Variants in UGT1A5 observed in about 807,000 individuals in gnomAD.
UGT1A5 encodes the protein UDP glucuronosyltransferase family 1 member A5.
Under a neutral mutation model 40.3 loss-of-function variants are expected in UGT1A5, and 29 were observed. That is an observed-to-expected ratio of 0.72 (90% CI 0.54 to 0.98). UGT1A5 has a LOEUF of 0.98. Ranked by LOEUF, UGT1A5 falls within the 50% of genes least tolerant of loss-of-function variation. The pLI is 0.00. For missense variants in UGT1A5, 678 were observed against 677.9 expected (o/e 1.00, Z 0.00); for synonymous variants, 257 against 262.5 (o/e 0.98, Z 0.20).
Position 233,725,264 on chromosome 2 carries a change from GGAGGCAGAGGCA to G in UGT1A5, c.867+11448_867+11459del, listed in dbSNP as rs551912265. Among the ~76,000 whole-genome samples, 306 of 58,542 alleles carry G rather than the reference GGAGGCAGAGGCA, an allele frequency of 5.2e-3. 76 individuals are homozygous for G. The highest frequency in any genetic ancestry group is 9.6e-3 in the African/African-American group (73 of 7,632). 38.4% of individuals were successfully genotyped at this position (58,542 alleles called of 152,430 possible). ...CAGAGGCAGAGGAGGCAGAGGCAGA[GGAGGCAGAGGCA>G]GAGGCAGAGGCAGAGGCAGAGGCAG... On this transcript the variant is annotated intron_variant, in intron 1 of 4. Coordinates refer to ENST00000373414, the MANE Select transcript of UGT1A5 (RefSeq NM_019078.2).
Position 233,767,860 on chromosome 2 carries a change from G to C in UGT1A5, c.1011G>C (p.Arg337=). ...LGKIPQTVLW[R]YTGTRPSNLA... is the part of the protein sequence containing the mutation. ...TTTGCCCCTCCCAGGTCCTGTGGCGGTACACTGGAACCCGACCATCGAATC... is the reference window on the plus strand; with the variant it reads ...TTTGCCCCTCCCAGGTCCTGTGGCGCTACACTGGAACCCGACCATCGAATC... Residue 337 remains arginine (R), a synonymous_variant, in exon 3 of 5, where the codon CGG becomes CGC. Coordinates refer to ENST00000373414, the MANE Select transcript of UGT1A5 (RefSeq NM_019078.2). The C allele has an allele frequency of 1.2e-6, 2 of 1,614,120 alleles. No individual in the cohort carries two copies. The highest frequency in any genetic ancestry group is 1.7e-6 in the Non-Finnish European group (2 of 1,180,048).
intron 2 of UGT1A5, among the ~76,000 whole-genome samples, 162 bp from the exon 3 acceptor site, chr2:233,767,687 C>A (rs1297182892): frequency 6.6e-6 from 1 of 152,176 alleles, no homozygotes; most frequent in Non-Finnish European, 1.5e-5. Flanking sequence ...AAACAAGATG[C>A]CGGAAGTTGC....
chr2:233,732,433 A>G (rs1308918063), intron 1 of UGT1A5, among the ~76,000 whole-genome samples: 1 of 152,164 alleles, frequency 6.6e-6, no homozygotes, highest in African/African-American at 2.4e-5. Flanking sequence ...TAGGATTTTT[A>G]TGGTTTTAGG....
chr2:233,746,553 C>T lies in UGT1A5; in HGVS notation c.868-20481C>T, dbSNP rs984942036. On this transcript the variant is annotated intron_variant, in intron 1 of 4. Transcript: ENST00000373414. The stretch of plus-strand genomic sequence containing the variant: ...GCTGCCCTGCTGTGTGACTTCTTAG[C>T]CCCTAGAGCACCACACCCTGTAATT... 4.6e-5 allele frequency among the ~76,000 whole-genome samples: 7 copies of T among 151,780 alleles called. 1 individual carries two copies. The highest frequency in any genetic ancestry group is 1.7e-4 in the African/African-American group (7 of 41,054).
chr2:233,739,050 C>G (rs958760691), intron 1 of UGT1A5: 3 of 152,246 alleles, frequency 2.0e-5, no homozygotes, highest in African/African-American at 7.2e-5. Flanking sequence ...AGAGCTCAGG[C>G]CATTGCTTCA....
At chr2:233,760,488 C>T (rs2125984883) in intron 1 of UGT1A5, 1 of 1,614,254 alleles carries the variant, frequency 6.2e-7, no homozygotes, top group Non-Finnish European at 8.5e-7. Context: ...CCTCGTTGTA[C>T]ATCAGAGACG....
At chr2:233,757,312 G>C (rs1288195448) in intron 1 of UGT1A5, among the ~76,000 whole-genome samples, 2 of 141,204 alleles carry the variant, frequency 1.4e-5, no homozygotes, top group African/African-American at 2.7e-5. Flanking sequence ...GGACAGGGGG[G>C]CTGGGGCCCT....
rs1156801962 is a variant in UGT1A5, at chr2:233,725,048, G to A, written c.867+11190G>A. Among the ~76,000 whole-genome samples the A allele has an allele frequency of 5.4e-5, 8 of 147,904 alleles. 1 individual carries two copies. The highest frequency in any genetic ancestry group is 1.5e-4 in the African/African-American group (6 of 39,674). Reference sequence around the variant, plus strand: ...CGGTCTCCACCAAAACCAGTCAGGCGTGGCGGCGCGCGCCTGCAATCGCAG... The same window carrying A: ...CGGTCTCCACCAAAACCAGTCAGGCATGGCGGCGCGCGCCTGCAATCGCAG... On this transcript the variant is annotated intron_variant, in intron 1 of 4. Transcript: ENST00000373414.
At chr2:233,760,540 A>G (rs777452318) in intron 1 of UGT1A5, 2 of 1,614,130 alleles carry the variant, frequency 1.2e-6, no homozygotes, top group Non-Finnish European at 8.5e-7. Flanking sequence ...GCCATTCCAA[A>G]GGGAGGATGT....
Position 233,729,503 on chromosome 2 carries a change from G to A in UGT1A5, c.867+15645G>A, listed in dbSNP as rs1346769357. 1.4e-5 allele frequency: 22 copies of A among 1,614,052 alleles called. No individual in the cohort carries two copies. Among genetic ancestry groups the A allele is most frequent in the Non-Finnish European group, 1.8e-5 (21 of 1,180,050 alleles). Reference sequence around the variant, plus strand: ...AACAATATGTCTTTGGTCTATCATAGGTCTTGTGTGGAGCTACTACATAAT... The same window carrying A: ...AACAATATGTCTTTGGTCTATCATAAGTCTTGTGTGGAGCTACTACATAAT... On this transcript the variant is annotated intron_variant, in intron 1 of 4. Coordinates refer to ENST00000373414, the MANE Select transcript of UGT1A5 (RefSeq NM_019078.2).
At chr2:233,731,784 G>T (rs186887277) in intron 1 of UGT1A5, among the ~76,000 whole-genome samples, 1 of 152,042 alleles carries the variant, frequency 6.6e-6, no homozygotes, top group Non-Finnish European at 1.5e-5. Context: ...ATTTATAATC[G>T]TTTGGGTATA....
At chr2:233,751,657 CTGAG>C (rs111702425) in intron 1 of UGT1A5, among the ~76,000 whole-genome samples, 4 of 152,292 alleles carry the variant, frequency 2.6e-5, no homozygotes, top group African/African-American at 9.6e-5. Context: ...TCTCATCCTA[CTGAG>C]TGAGTTCTAA....
chr2:233,757,535 AATATATATATATAT>A (rs67292694), intron 1 of UGT1A5, among the ~76,000 whole-genome samples: 1 of 88,312 alleles, frequency 1.1e-5, no homozygotes, highest in South Asian at 5.2e-4. Flanking sequence ...GCCTGTAAGG[AATATATATATATAT>A]ATATATATAT....
intron 1 of UGT1A5, among the ~76,000 whole-genome samples, chr2:233,731,630 C>A (rs1226359620): frequency 6.6e-6 from 1 of 152,176 alleles, no homozygotes; most frequent in Non-Finnish European, 1.5e-5. Context: ...TTTTTTATGG[C>A]TGCATAGTAT....
intron 1 of UGT1A5, among the ~76,000 whole-genome samples, chr2:233,754,056 T>C (rs963446161): frequency 1.3e-5 from 2 of 152,238 alleles, no homozygotes; most frequent in Non-Finnish European, 2.9e-5. Context: ...TTTACCTGCT[T>C]TTATAAAGCC....
chr2:233,750,771 C>T (rs2125907104), intron 1 of UGT1A5: 1 of 151,994 alleles, frequency 6.6e-6, no homozygotes, highest in East Asian at 1.9e-4. Context: ...TGGTGTTGGG[C>T]CTGTGGGTAC....
At chr2:233,763,091 G>C (rs1453938427) in intron 1 of UGT1A5, among the ~76,000 whole-genome samples, 1 of 152,216 alleles carries the variant, frequency 6.6e-6, no homozygotes, top group Non-Finnish European at 1.5e-5. Context: ...ATGTTTGTAG[G>C]AGAGGCACCG....
At position 233,713,539 on chromosome 2, in the gene UGT1A5, A is replaced by G; in HGVS notation, c.548A>G (p.Lys183Arg). The G allele has an allele frequency of 6.2e-7, 1 of 1,613,964 alleles. No homozygotes were observed. Among genetic ancestry groups the G allele is most frequent in the Non-Finnish European group, 8.5e-7 (1 of 1,179,860 alleles). ...AACATTCCATGTGATTTAGACTTTA[A>G]GGGCACACAGTGTCCAAACCCTTCC... ...LRNIPCDLDFKGTQCPNPSSY... is the reference protein window; with the variant it reads ...LRNIPCDLDFRGTQCPNPSSY... Residue 183 changes from lysine (K) to arginine (R), a missense_variant, in exon 1 of 5, where the codon AAG (lysine) becomes AGG (arginine). By Grantham distance (26) the Lys-to-Arg change is conservative. Coordinates refer to ENST00000373414, the MANE Select transcript of UGT1A5 (RefSeq NM_019078.2).
chr2:233,729,177 G>C, intron 1 of UGT1A5: 1 of 1,613,894 alleles, frequency 6.2e-7, no homozygotes, highest in Non-Finnish European at 8.5e-7. Flanking sequence ...CAGGACTGCT[G>C]CTTCTCCTCA....
Sources: allele counts gnomAD v4.1 joint callset (sites outside exome capture counted in the v4.1 genomes callset), GRCh38; gene constraint gnomAD v4.1.1; transcripts MANE v1.5; gene names NCBI Gene and HGNC (gene_info 2026-07-23, HGNC 2026-07-21).